C1orf105: variants seen among roughly 807,000 people sequenced by gnomAD.
C1orf105 encodes chromosome 1 open reading frame 105.
C1orf105 carries 17 observed loss-of-function variants against 20.8 expected under a neutral mutation model. The observed-to-expected ratio is 0.82, with a 90% confidence interval of 0.56 to 1.23. C1orf105 has a LOEUF of 1.23. C1orf105 is among the 50% of genes most tolerant of loss of function. The probability of loss-of-function intolerance (pLI) is 0.00; values close to 1 mark genes in which losing one functional copy is unlikely to be tolerated. For synonymous variants in C1orf105, 72 were observed against 72.1 expected, an observed-to-expected ratio of 1.00 and a Z score of 0.01; for missense variants, 219 against 213.5, an observed-to-expected ratio of 1.03 and a Z score of -0.16.
At chr1:172,430,334 A>G in intron 1 of C1orf105, 1 of 701,730 alleles carries the variant, frequency 1.4e-6, no homozygotes, top group Non-Finnish European at 2.6e-6. Flanking sequence ...GGCATGCCAC[A>G]GGTGAGCCTC....
At chr1:172,463,318 A>G (rs1365660831) in intron 5 of C1orf105, among the ~76,000 whole-genome samples, 1 of 152,236 alleles carries the variant, frequency 6.6e-6, no homozygotes, top group Non-Finnish European at 1.5e-5. Flanking sequence ...ACAGTCAGCA[A>G]TAATGTGGAA....
At chr1:172,428,772 C>A in intron 1 of C1orf105, 2 of 696,968 alleles carry the variant, frequency 2.9e-6, no homozygotes, top group East Asian at 2.7e-5. Context: ...AGGTCAAGAA[C>A]CTTTGTCCTT....
At chr1:172,464,668 G>A (rs1378372021) in intron 5 of C1orf105, among the ~76,000 whole-genome samples, 1 of 148,548 alleles carries the variant, frequency 6.7e-6, no homozygotes, top group Non-Finnish European at 1.5e-5. Flanking sequence ...TCTGGAAATT[G>A]AAGAACTCTT....
intron 1 of C1orf105, among the ~76,000 whole-genome samples, chr1:172,435,473 A>C (rs2072011084): frequency 6.6e-6 from 1 of 152,222 alleles, no homozygotes; most frequent in Admixed American, 6.5e-5. Context: ...TCCATCACAT[A>C]AACAGAACCA....
At chr1:172,452,895 A>G in intron 3 of C1orf105, 5 of 1,485,304 alleles carry the variant, frequency 3.4e-6, no homozygotes, top group Non-Finnish European at 4.5e-6. Flanking sequence ...GTGAATGTGG[A>G]CAATTCCCTC....
chr1:172,439,224 A>G (rs1228949364), intron 1 of C1orf105, among the ~76,000 whole-genome samples: 1 of 152,202 alleles, frequency 6.6e-6, no homozygotes, highest in Non-Finnish European at 1.5e-5. Flanking sequence ...ACACACTTAT[A>G]TATGATTTAT....
intron 1 of C1orf105, chr1:172,442,585 T>C: frequency 1.2e-6 from 2 of 1,614,018 alleles, no homozygotes; most frequent in South Asian, 2.2e-5. Context: ...CTTCTGCCAC[T>C]TGACCTCCTT....
chr1:172,425,064 G>A (rs1403918200), intron 1 of C1orf105, among the ~76,000 whole-genome samples: 2 of 152,210 alleles, frequency 1.3e-5, no homozygotes, highest in African/African-American at 2.4e-5. Flanking sequence ...CATCCTAGTA[G>A]TATTATGGTC....
chr1:172,428,435 T>C (rs1396823108), intron 1 of C1orf105, among the ~76,000 whole-genome samples: 2 of 152,224 alleles, frequency 1.3e-5, no homozygotes. Context: ...GCTTCCCACG[T>C]TACCTCTACG....
chr1:172,433,081 G>C (rs2071923126), intron 1 of C1orf105, among the ~76,000 whole-genome samples: 1 of 152,152 alleles, frequency 6.6e-6, no homozygotes, highest in Non-Finnish European at 1.5e-5. Flanking sequence ...AGAGTAAAAA[G>C]AAACAAACAA....
At chr1:172,430,442 CTTT>C in intron 1 of C1orf105, 1 of 598,794 alleles carries the variant, frequency 1.7e-6, no homozygotes, top group Non-Finnish European at 3.0e-6. Flanking sequence ...TTTCTTAAAC[CTTT>C]TTTTATTTAT....
At chr1:172,444,997 G>T in intron 1 of C1orf105, 76 bp from the exon 2 acceptor site, 1 of 1,188,370 alleles carries the variant, frequency 8.4e-7, no homozygotes, top group Non-Finnish European at 1.2e-6. Flanking sequence ...GCTGCTATTA[G>T]CTGACTTTGG....
At chr1:172,422,294 A>G (rs1359986399) in intron 1 of C1orf105, among the ~76,000 whole-genome samples, 3 of 152,218 alleles carry the variant, frequency 2.0e-5, no homozygotes, top group Non-Finnish European at 4.4e-5. Flanking sequence ...ATACCAGTTC[A>G]GCCAGAGTAG....
intron 3 of C1orf105, among the ~76,000 whole-genome samples, chr1:172,454,140 T>G (rs1648970152): frequency 6.6e-6 from 1 of 152,160 alleles, no homozygotes; most frequent in Non-Finnish European, 1.5e-5. Flanking sequence ...GGAAATAATT[T>G]CAGTGAAGAA....
intron 4 of C1orf105, among the ~76,000 whole-genome samples, chr1:172,459,598 T>C (rs1029184700): frequency 2.0e-5 from 3 of 152,168 alleles, no homozygotes; most frequent in African/African-American, 7.2e-5. Flanking sequence ...CAAAAATTGC[T>C]GATGGGAATG....
chr1:172,441,352 TACACACACAC>T (rs55669322), intron 1 of C1orf105: 4,342 of 156,838 alleles, frequency 0.028, 134 homozygotes, highest in African/African-American at 0.072. Context: ...GAAGTGACTT[TACACACACAC>T]ACACACACAC....
chr1:172,448,543 T>C lies in C1orf105; in HGVS notation c.198+12T>C, dbSNP rs1382678766. 6.4e-7 allele frequency: 1 copy of C among 1,553,718 alleles called. No homozygotes were observed. Among genetic ancestry groups the C allele is most frequent in the Non-Finnish European group, 8.9e-7 (1 of 1,126,268 alleles). On this transcript the variant is annotated intron_variant, in intron 3 of 6. Coordinates refer to ENST00000367727, the MANE Select transcript of C1orf105 (RefSeq NM_139240.4). ...ATGTTTTATCTAAGGTACTAAAAAA[T>C]TTTTGTTGAAATGAAACCAACAGCA...
chr1:172,437,767 G>T (rs9425613), intron 1 of C1orf105, among the ~76,000 whole-genome samples: 1 of 142,804 alleles, frequency 7.0e-6, no homozygotes, highest in African/African-American at 2.6e-5. Flanking sequence ...TAAACAAAAC[G>T]ATTTATTTCT....
chr1:172,420,866 A>G lies in C1orf105; in HGVS notation c.-20A>G. 1 of 1,611,798 alleles carries G rather than the reference A, an allele frequency of 6.2e-7. No homozygotes were observed. Among genetic ancestry groups the G allele is most frequent in the Non-Finnish European group, 8.5e-7 (1 of 1,178,174 alleles). On this transcript the variant is annotated 5_prime_UTR_variant, in exon 1 of 7. Transcript: ENST00000367727. ...CCAGTCTCCAGCTAGAAAAACTCAGAACATCTAAAGATCTGAAAGATGGAA... is the reference window on the plus strand; with the variant it reads ...CCAGTCTCCAGCTAGAAAAACTCAGGACATCTAAAGATCTGAAAGATGGAA...
Sources: gnomAD v4.1 joint callset for allele counts (sites outside exome capture counted in the v4.1 genomes callset) on GRCh38, gnomAD v4.1.1 for gene constraint, MANE v1.5 for transcripts, NCBI Gene and HGNC (gene_info 2026-07-23, HGNC 2026-07-21) for gene names.